ITPRID1: variants seen among roughly 807,000 people sequenced by gnomAD.
The protein encoded by ITPRID1 is ITPR interacting domain containing 1, also known as protein ITPRID1.
In ITPRID1, 96 loss-of-function variants were observed where a neutral mutation model predicts 95.4. That is an observed-to-expected ratio of 1.01 (90% CI 0.85 to 1.19). The LOEUF is 1.19. ITPRID1 is among the 50% of genes most tolerant of loss of function. ITPRID1 has a pLI of 0.00. For missense variants in ITPRID1, 1,339 were observed against 1,252.9 expected (o/e 1.07, Z -1.04); for synonymous variants, 510 against 453.6 (o/e 1.12, Z -1.58).
rs2128144848 is a variant in ITPRID1 at position 31,574,555 on chromosome 7, G to A, written c.411G>A (p.Leu137=). Residue 137 remains leucine, a synonymous_variant, in exon 8 of 15, where the codon CTG becomes CTA. Coordinates refer to ENST00000615280, the MANE Select transcript of ITPRID1 (RefSeq NM_001257967.3). ...TTTACCACAGCATTCCTGAATGGCT[G>A]GAATTTTGGGAGATAGATCCAGTGG... ...ASVPQSIPEW[L]EFWEIDPVEI... The A allele has an allele frequency of 6.2e-7, 1 of 1,613,148 alleles. No individual in the cohort carries two copies. Among genetic ancestry groups the A allele is most frequent in the Non-Finnish European group, 8.5e-7 (1 of 1,179,144 alleles).
intron 10 of ITPRID1, among the ~76,000 whole-genome samples, chr7:31,588,773 A>G (rs1027765482): frequency 6.6e-6 from 1 of 152,100 alleles, no homozygotes; most frequent in African/African-American, 2.4e-5. Flanking sequence ...TAGGAATTAA[A>G]TCTGTTCAAA....
intron 10 of ITPRID1, among the ~76,000 whole-genome samples, chr7:31,604,065 C>A (rs535096490): frequency 6.6e-6 from 1 of 152,262 alleles, no homozygotes; most frequent in African/African-American, 2.4e-5. Flanking sequence ...AATTGTTACT[C>A]CTTTTAAGGA....
At chr7:31,586,180 TA>T (rs1458210064) in intron 10 of ITPRID1, among the ~76,000 whole-genome samples, 3 of 127,238 alleles carry the variant, frequency 2.4e-5, no homozygotes, top group Non-Finnish European at 4.9e-5. Flanking sequence ...CATCATTTTT[TA>T]TGGCTGCATA....
intron 10 of ITPRID1, among the ~76,000 whole-genome samples, chr7:31,630,517 TAAA>T (rs544715965): frequency 1.3e-5 from 2 of 152,272 alleles, no homozygotes; most frequent in African/African-American, 4.8e-5. Context: ...GTTGAACTAA[TAAA>T]GATTCTGAGG....
At chr7:31,531,981 CT>C (rs1415277781) in intron 1 of ITPRID1, among the ~76,000 whole-genome samples, 4 of 152,126 alleles carry the variant, frequency 2.6e-5, no homozygotes, top group African/African-American at 4.8e-5. Flanking sequence ...TTTTAAACAA[CT>C]TACGTCAGGC....
chr7:31,613,722 C>G (rs570875268), intron 10 of ITPRID1, among the ~76,000 whole-genome samples: 12 of 152,254 alleles, frequency 7.9e-5, no homozygotes, highest in Middle Eastern at 6.8e-3. Context: ...GTGGCTACGT[C>G]TATATTTATG....
At chr7:31,519,285 G>T (rs1486348243) in intron 1 of ITPRID1, among the ~76,000 whole-genome samples, 1 of 152,048 alleles carries the variant, frequency 6.6e-6, no homozygotes, top group Non-Finnish European at 1.5e-5. Flanking sequence ...ACAGGGTATT[G>T]GTTGAGCTTG....
At chr7:31,644,699 T>G (rs1790313803) in intron 12 of ITPRID1, among the ~76,000 whole-genome samples, 1 of 152,272 alleles carries the variant, frequency 6.6e-6, no homozygotes, top group South Asian at 2.1e-4. Context: ...TTCCAGTACC[T>G]CCTTTTTAGT....
chr7:31,555,969 C>T (rs1386371345), intron 5 of ITPRID1, among the ~76,000 whole-genome samples: 3 of 152,060 alleles, frequency 2.0e-5, no homozygotes, highest in African/African-American at 7.2e-5. Flanking sequence ...ATGTAAGTAC[C>T]TCTCTGCTCA....
At chr7:31,590,182 C>T (rs766924680) in intron 10 of ITPRID1, among the ~76,000 whole-genome samples, 2 of 152,096 alleles carry the variant, frequency 1.3e-5, no homozygotes, top group South Asian at 2.1e-4. Flanking sequence ...GATCCTCCTG[C>T]CTCTGCCTAC....
At chr7:31,539,689 C>T (rs1245983823) in intron 1 of ITPRID1, among the ~76,000 whole-genome samples, 3 of 152,142 alleles carry the variant, frequency 2.0e-5, no homozygotes, top group Non-Finnish European at 2.9e-5. Context: ...CTGAGAGGGG[C>T]TTCTGGCTGA....
intron 10 of ITPRID1, among the ~76,000 whole-genome samples, chr7:31,599,584 A>ATT (rs1786256332): frequency 8.0e-6 from 1 of 124,308 alleles, no homozygotes; most frequent in Admixed American, 8.1e-5. Context: ...TTGTTGTGTT[A>ATT]TTTTCTTTCT....
intron 10 of ITPRID1, among the ~76,000 whole-genome samples, chr7:31,585,477 G>GGAATATAAGGAAAAAAAAA (rs1785558304): frequency 6.6e-6 from 1 of 152,140 alleles, no homozygotes; most frequent in Non-Finnish European, 1.5e-5. Context: ...GGAAAAAAAG[G>GGAATATAAGGAAAAAAAAA]AAATATATAA....
At chr7:31,617,181 G>A (rs1787326547) in intron 10 of ITPRID1, among the ~76,000 whole-genome samples, 2 of 152,140 alleles carry the variant, frequency 1.3e-5, no homozygotes, top group South Asian at 4.1e-4. Context: ...GAAAAGCCTG[G>A]AGAAGGGAAG....
At chr7:31,591,389 A>G (rs1158113428) in intron 10 of ITPRID1, among the ~76,000 whole-genome samples, 1 of 152,222 alleles carries the variant, frequency 6.6e-6, no homozygotes, top group African/African-American at 2.4e-5. Flanking sequence ...AGCCATAACA[A>G]CGTAAACACT....
chr7:31,619,873 T>G (rs1469291430), intron 10 of ITPRID1, among the ~76,000 whole-genome samples: 2 of 152,132 alleles, frequency 1.3e-5, no homozygotes, highest in African/African-American at 4.8e-5. Flanking sequence ...GGGTGACAGA[T>G]GGCACCTGGA....
intron 1 of ITPRID1, among the ~76,000 whole-genome samples, chr7:31,537,095 T>TTG (rs66543091): frequency 0.037 from 5,390 of 145,598 alleles, 145 homozygotes; most frequent in East Asian, 0.14. Flanking sequence ...GGTGTGTGTG[T>TTG]TGTGTGTGTG....
In ITPRID1 at chr7:31,643,416, T is replaced by A. The variant is rs760394427; in HGVS notation, c.2046T>A (p.Gly682=). The A allele has an allele frequency of 1.2e-6, 2 of 1,613,972 alleles. No individual in the cohort carries two copies. Among genetic ancestry groups the A allele is most frequent in the Non-Finnish European group, 1.7e-6 (2 of 1,179,890 alleles). The change falls in exon 12 of 15, where the codon GGT becomes GGA. Residue 682 remains glycine (G), a synonymous_variant. Transcript: ENST00000615280. ...CTGCCCAGGTGAAGTCAAGGTCTGG[T>A]ACTTTGGGTCAGATACTACCTGGGA... ...GDPAQVKSRS[G]TLGQILPGTE...
intron 10 of ITPRID1, among the ~76,000 whole-genome samples, chr7:31,627,515 C>G (rs1375362962): frequency 6.6e-6 from 1 of 151,800 alleles, no homozygotes; most frequent in African/African-American, 2.4e-5. Context: ...AAAATTAGTC[C>G]AATGGGATGG....
Sources: gnomAD v4.1 joint callset for allele counts (sites outside exome capture counted in the v4.1 genomes callset) on GRCh38, gnomAD v4.1.1 for gene constraint, MANE v1.5 for transcripts, NCBI Gene and HGNC (gene_info 2026-07-23, HGNC 2026-07-21) for gene names.